CD109: variants seen among roughly 807,000 people sequenced by gnomAD.
CD109 encodes the protein CD109 molecule.
Under a neutral mutation model 165.8 loss-of-function variants are expected in CD109, and 149 were observed. That is an observed-to-expected ratio of 0.90 (90% CI 0.79 to 1.03). CD109 has a LOEUF of 1.03. Among genes scored for constraint, CD109 ranks in the 50% least tolerant of loss-of-function variants. The pLI is 0.00. For synonymous variants in CD109, 585 were observed against 592.1 expected (o/e 0.99, Z 0.18); for missense variants, 1,712 against 1,677.8 (o/e 1.02, Z -0.36).
At chr6:73,760,571 T>G (rs1773582399) in intron 7 of CD109, among the ~76,000 whole-genome samples, 1 of 151,268 alleles carries the variant, frequency 6.6e-6, no homozygotes, top group African/African-American at 2.4e-5. Context: ...TTGGGCCAGG[T>G]GAGGTGGCTC....
At chr6:73,745,352 G>A (rs1210965187) in intron 5 of CD109, among the ~76,000 whole-genome samples, 4 of 152,104 alleles carry the variant, frequency 2.6e-5, no homozygotes, top group South Asian at 4.2e-4. Context: ...TGATCCGCCC[G>A]CCCTGGCCTC....
chr6:73,759,842 G>C (rs1216280568), intron 7 of CD109, among the ~76,000 whole-genome samples: 1 of 151,628 alleles, frequency 6.6e-6, no homozygotes, highest in Non-Finnish European at 1.5e-5. Flanking sequence ...GCTAACCAGG[G>C]TTTCCACTGA....
chr6:73,758,697 T>C (rs901762219), intron 6 of CD109, among the ~76,000 whole-genome samples: 1 of 152,198 alleles, frequency 6.6e-6, no homozygotes, highest in Non-Finnish European at 1.5e-5. Context: ...ACCTTAATTA[T>C]ATAAAGCTGA....
chr6:73,688,827 C>T, the CD109 span, among the ~76,000 whole-genome samples: 2 of 126,726 alleles, frequency 1.6e-5, no homozygotes, highest in East Asian at 2.4e-4. Context: ...TGGAGTGCAG[C>T]GGTGTAATCA....
intron 4 of CD109, among the ~76,000 whole-genome samples, chr6:73,731,203 C>T (rs1016135027): frequency 3.3e-5 from 5 of 152,162 alleles, no homozygotes; most frequent in Non-Finnish European, 4.4e-5. Flanking sequence ...TGTGCCACCA[C>T]GTCTGCCTAA....
intron 3 of CD109, among the ~76,000 whole-genome samples, chr6:73,726,179 CA>C (rs1328427428): frequency 6.6e-6 from 1 of 152,162 alleles, no homozygotes; most frequent in Non-Finnish European, 1.5e-5. Flanking sequence ...AATTATTTTT[CA>C]GGTCTTTATG....
intron 6 of CD109, among the ~76,000 whole-genome samples, chr6:73,757,700 C>G: frequency 6.6e-6 from 1 of 152,034 alleles, no homozygotes; most frequent in East Asian, 1.9e-4. Flanking sequence ...AAAAATAGTT[C>G]ATTAATAACC....
rs1364216072 is a variant in CD109, at chr6:73,803,625, C to T, written c.2960+324C>T. ...GAAATGCCGGGTGATTGTGACACAG[C>T]TTTTTTCTTAATCTTCCATGACTAA... On this transcript the variant is annotated intron_variant, in intron 24 of 32. Transcript: ENST00000287097. 4.0e-5 allele frequency among the ~76,000 whole-genome samples: 6 copies of T among 150,058 alleles called. No individual in the cohort carries two copies. In the East Asian group the frequency reaches 1.2e-3, roughly 30 times the overall value.
chr6:73,748,264 A>G (rs2150203999), intron 5 of CD109, among the ~76,000 whole-genome samples: 1 of 152,144 alleles, frequency 6.6e-6, no homozygotes, highest in East Asian at 1.9e-4. Context: ...GCAACCAATT[A>G]TCTACACAGC....
intron 10 of CD109, 29 bp downstream of exon 10, chr6:73,763,714 T>C (rs762800204): frequency 8.9e-7 from 1 of 1,122,728 alleles, no homozygotes; most frequent in Non-Finnish European, 1.3e-6. Context: ...TTCCAGTCCA[T>C]AGCAGTAAGT....
At chr6:73,755,099 T>C (rs1354912880) in intron 5 of CD109, among the ~76,000 whole-genome samples, 4 of 152,254 alleles carry the variant, frequency 2.6e-5, no homozygotes, top group South Asian at 2.1e-4. Flanking sequence ...ACTAGCATTC[T>C]TATGTTCATT....
At chr6:73,808,313 T>G in intron 26 of CD109, 65 bp downstream of exon 26, 3 of 1,511,816 alleles carry the variant, frequency 2.0e-6, no homozygotes, top group Non-Finnish European at 2.7e-6. Context: ...ATGAGAAAAA[T>G]TTTTAGCCAG....
rs763506535 is a variant in CD109, at chr6:73,782,760, A to G, written c.2105+5A>G. ...TTGGCTAGACACCAACATGGGGTAA[A>G]AATTTATAAAGTTCTTTGCCCATAC... On this transcript the variant is annotated splice_donor_5th_base_variant and intron_variant, in intron 18 of 32. Transcript: ENST00000287097. The G allele has an allele frequency of 2.5e-6, 4 of 1,613,046 alleles. No individual in the cohort carries two copies. In the South Asian group the frequency reaches 4.4e-5, roughly 18 times the overall value.
chr6:73,723,414 C>A (rs2150170119), intron 3 of CD109, 135 bp downstream of exon 3: 6 of 705,186 alleles, frequency 8.5e-6, no homozygotes, highest in East Asian at 5.2e-5. Context: ...TTTAGTTCAG[C>A]CTTCAGATTA....
intron 15 of CD109, among the ~76,000 whole-genome samples, chr6:73,778,443 T>C (rs955902916): frequency 1.3e-5 from 2 of 152,192 alleles, no homozygotes; most frequent in African/African-American, 4.8e-5. Flanking sequence ...TAGTACTATG[T>C]TGAATAGGAG....
At chr6:73,761,475 T>G (rs1246506234) in intron 7 of CD109, among the ~76,000 whole-genome samples, 1 of 152,214 alleles carries the variant, frequency 6.6e-6, no homozygotes. Context: ...TAGTTAAAAG[T>G]CTTCCCATTT....
chr6:73,764,580 C>T (rs992151807), intron 10 of CD109, among the ~76,000 whole-genome samples: 3 of 151,680 alleles, frequency 2.0e-5, no homozygotes, highest in African/African-American at 4.8e-5. Context: ...TTTGGGAGGC[C>T]GAGGCAGGCG....
At chr6:73,816,912 G>A (rs1258352958) in intron 30 of CD109, among the ~76,000 whole-genome samples, 1 of 152,108 alleles carries the variant, frequency 6.6e-6, no homozygotes, top group Non-Finnish European at 1.5e-5. Flanking sequence ...GTTCATGTAA[G>A]GATGCAGGAT....
At chr6:73,787,678 C>T (rs1476820667) in intron 21 of CD109, among the ~76,000 whole-genome samples, 1 of 151,990 alleles carries the variant, frequency 6.6e-6, no homozygotes, top group Non-Finnish European at 1.5e-5. Flanking sequence ...TAAAGACTAA[C>T]GTCTCTTTTG....
Sources: gnomAD v4.1 joint callset for allele counts (sites outside exome capture counted in the v4.1 genomes callset) on GRCh38, gnomAD v4.1.1 for gene constraint, MANE v1.5 for transcripts, NCBI Gene and HGNC (gene_info 2026-07-23, HGNC 2026-07-21) for gene names.